Variants in TXNRD1 observed in about 807,000 individuals in gnomAD.
The protein encoded by TXNRD1 is thioredoxin reductase 1, cytoplasmic.
TXNRD1 carries 57 observed loss-of-function variants against 80.3 expected under a neutral mutation model. The observed-to-expected ratio is 0.71, with a 90% CI of 0.57 to 0.89. The LOEUF is 0.89. TXNRD1 is among the 40% of genes least tolerant of loss of function. The pLI is 0.00. For missense variants in TXNRD1, 730 were observed against 803.0 expected (o/e 0.91, Z 1.10); for synonymous variants, 291 against 285.2 (o/e 1.02, Z -0.20).
intron 16 of TXNRD1, among the ~76,000 whole-genome samples, chr12:104,341,671 G>T (rs1228959671): frequency 6.9e-6 from 1 of 144,258 alleles, no homozygotes; most frequent in East Asian, 1.9e-4. Flanking sequence ...ACAACCAATT[G>T]TCTAGAACAA....
At chr12:104,271,521 T>C (rs1001262035) in intron 3 of TXNRD1, among the ~76,000 whole-genome samples, 2 of 152,102 alleles carry the variant, frequency 1.3e-5, no homozygotes, top group African/African-American at 4.8e-5. Flanking sequence ...GCGGTGGAGT[T>C]AGGAGCAATG....
At chr12:104,340,591 T>C (rs957720230) in intron 16 of TXNRD1, among the ~76,000 whole-genome samples, 5 of 152,218 alleles carry the variant, frequency 3.3e-5, no homozygotes, top group Non-Finnish European at 7.3e-5. Flanking sequence ...TGGCGTTCCT[T>C]GGCTTGCAGA....
intron 5 of TXNRD1, 43 bp downstream of exon 5, chr12:104,311,455 G>A: frequency 1.3e-6 from 2 of 1,599,096 alleles, no homozygotes; most frequent in Non-Finnish European, 8.5e-7. Context: ...TCTGGGTGGT[G>A]ATTAGAATAT....
Position 104,311,322 on chromosome 12 carries a change from A to G in TXNRD1, c.447A>G (p.Leu149=). The G allele has an allele frequency of 6.2e-7, 1 of 1,609,230 alleles. No individual in the cohort carries two copies. The highest frequency in any genetic ancestry group is 8.5e-7 in the Non-Finnish European group (1 of 1,177,480). ...AYQEGRLQKL[L]KMNGPEDLPK... ...AGGAGGGCAGACTTCAAAAGCTACT[A>G]AAAATGAACGGCCCTGAAGATCTTC... Residue 149 remains leucine (L), a synonymous_variant, in exon 5 of 17, where the codon CTA becomes CTG. Coordinates refer to ENST00000525566, the MANE Select transcript of TXNRD1 (RefSeq NM_001093771.3).
intron 1 of TXNRD1, among the ~76,000 whole-genome samples, chr12:104,218,209 A>G (rs1190559494): frequency 6.6e-6 from 1 of 152,004 alleles, no homozygotes; most frequent in Non-Finnish European, 1.5e-5. Context: ...TATTTTTAGT[A>G]GTGACGGGGT....
intron 15 of TXNRD1, among the ~76,000 whole-genome samples, chr12:104,336,586 A>G (rs4964782): frequency 0.48 from 73,088 of 151,966 alleles, 18,157 homozygotes; most frequent in East Asian, 0.62. Flanking sequence ...TAAAATATTT[A>G]TAATAAAGAT....
chr12:104,346,945 A>T (rs1396728728), intron 16 of TXNRD1, among the ~76,000 whole-genome samples: 2 of 152,052 alleles, frequency 1.3e-5, no homozygotes, highest in Non-Finnish European at 2.9e-5. Context: ...AAATCCAAAA[A>T]TTATCCGAGC....
At chr12:104,247,635 CA>C (rs1219025001) in intron 1 of TXNRD1, among the ~76,000 whole-genome samples, 2 of 152,072 alleles carry the variant, frequency 1.3e-5, no homozygotes, top group Admixed American at 1.3e-4. Context: ...TCTATTTGTA[CA>C]TTTTTTTGTT....
chr12:104,331,876 AC>A (rs1241442649), intron 14 of TXNRD1, among the ~76,000 whole-genome samples: 1 of 151,600 alleles, frequency 6.6e-6, no homozygotes, highest in Non-Finnish European at 1.5e-5. Context: ...ATTCTCCTTT[AC>A]CCCTAAATAC....
chr12:104,315,877 A>G lies in TXNRD1; in HGVS notation c.711A>G (p.Gly237=). ...CCCTGCAAGACTCTCGAAATTATGG[A>G]TGGAAAGTCGAGGAGACAGGTATGA... The part of the protein sequence containing the change: ...GQALQDSRNY[G]WKVEETVKHD... The change falls in exon 7 of 17, where the codon GGA becomes GGG. Residue 237 remains glycine (G), a synonymous_variant. Transcript: ENST00000525566. The G allele has an allele frequency of 1.2e-6, 2 of 1,611,310 alleles. No homozygotes were observed. Among genetic ancestry groups the G allele is most frequent in the East Asian group, 2.2e-5 (1 of 44,706 alleles).
chr12:104,241,937 ATTTTTTTT>A (rs747774973), intron 1 of TXNRD1, among the ~76,000 whole-genome samples: 6 of 96,074 alleles, frequency 6.2e-5, no homozygotes, highest in Admixed American at 1.5e-4. Context: ...TATACTAATG[ATTTTTTTT>A]TTTTTTTTTT....
At chr12:104,305,955 G>A (rs112727779) in intron 4 of TXNRD1, among the ~76,000 whole-genome samples, 8 of 152,082 alleles carry the variant, frequency 5.3e-5, no homozygotes, top group African/African-American at 1.9e-4. Context: ...CCAGGCTGGG[G>A]TGCAGTGGTG....
chr12:104,339,952 A>G (rs574268476), intron 16 of TXNRD1, among the ~76,000 whole-genome samples: 3 of 152,374 alleles, frequency 2.0e-5, no homozygotes, highest in South Asian at 4.1e-4. Flanking sequence ...AAACACGCAC[A>G]CACACACATA....
intron 6 of TXNRD1, 93 bp downstream of exon 6, chr12:104,313,410 CA>C (rs2035209822): frequency 4.1e-6 from 4 of 972,278 alleles, no homozygotes; most frequent in Non-Finnish European, 6.0e-6. Context: ...TTAAAAAAAT[CA>C]AAAACTAAGT....
chr12:104,330,142 T>C (rs142973776), intron 13 of TXNRD1, among the ~76,000 whole-genome samples: 1 of 152,316 alleles, frequency 6.6e-6, no homozygotes, highest in Non-Finnish European at 1.5e-5. Flanking sequence ...AAATGGATTA[T>C]ATTTATTGTT....
rs1270153411 is a variant in TXNRD1 at position 104,349,962 on chromosome 12, A to C, written c.*1541A>C. Reference sequence around the variant, plus strand: ...AAGAAATGGGAAAAGGGAAAAGGAGAGAGCAATTGAGGCAGTTGACCATAT... The same window carrying C: ...AAGAAATGGGAAAAGGGAAAAGGAGCGAGCAATTGAGGCAGTTGACCATAT... On this transcript the variant is annotated 3_prime_UTR_variant, in exon 17 of 17. Coordinates refer to ENST00000525566, the MANE Select transcript of TXNRD1 (RefSeq NM_001093771.3). 3 of 152,480 alleles carry C rather than the reference A, an allele frequency of 2.0e-5. No individual in the cohort carries two copies. The highest frequency in any genetic ancestry group is 1.9e-4 in the East Asian group (1 of 5,208). 9.4% of individuals were successfully genotyped at this position (152,480 alleles called of 1,614,324 possible).
intron 6 of TXNRD1, among the ~76,000 whole-genome samples, chr12:104,315,190 A>C (rs2035280765): frequency 6.6e-6 from 1 of 152,208 alleles, no homozygotes; most frequent in South Asian, 2.1e-4. Context: ...CATCCTGATA[A>C]AATCCTTTGT....
At chr12:104,307,853 G>A (rs1043715940) in intron 4 of TXNRD1, among the ~76,000 whole-genome samples, 5 of 152,198 alleles carry the variant, frequency 3.3e-5, no homozygotes, top group African/African-American at 1.2e-4. Context: ...GCTATCTAAT[G>A]TGTAAGCCTT....
intron 11 of TXNRD1, among the ~76,000 whole-genome samples, chr12:104,325,701 G>A (rs546310465): frequency 9.9e-5 from 15 of 152,180 alleles, no homozygotes; most frequent in Non-Finnish European, 1.5e-4. Flanking sequence ...GTGAAACCCC[G>A]ACTCTACTAA....
Sources: allele counts gnomAD v4.1 joint callset (sites outside exome capture counted in the v4.1 genomes callset), GRCh38; gene constraint gnomAD v4.1.1; transcripts MANE v1.5; gene names NCBI Gene and HGNC (gene_info 2026-07-23, HGNC 2026-07-21).